Variants in SVOPL observed in about 807,000 individuals in gnomAD.
SVOPL encodes the protein SVOP like.
In SVOPL, 60 loss-of-function variants were observed where a neutral mutation model predicts 61.0. The observed-to-expected ratio is 0.98, with a 90% CI of 0.80 to 1.22. The LOEUF is 1.22. SVOPL is among the 50% of genes most tolerant of loss of function. The probability of loss-of-function intolerance (pLI) is 0.00; values close to 1 mark genes in which losing one functional copy is unlikely to be tolerated. For synonymous variants in SVOPL, 279 were observed against 250.0 expected, an observed-to-expected ratio of 1.12 and a Z score of -1.09; for missense variants, 662 against 643.9, an observed-to-expected ratio of 1.03 and a Z score of -0.30.
chr7:138,611,645 A>G (rs1164580491), intron 14 of SVOPL, among the ~76,000 whole-genome samples: 1 of 152,044 alleles, frequency 6.6e-6, no homozygotes, highest in Non-Finnish European at 1.5e-5. Flanking sequence ...TATAGGACAA[A>G]AAGATCATCT....
rs569433442 is a variant in SVOPL at position 138,669,430 on chromosome 7, C to CA, written c.273+2588dup. Among the ~76,000 whole-genome samples, 84 of 150,240 alleles carry CA rather than the reference C, an allele frequency of 5.6e-4. 1 individual carries two copies. The South Asian group carries it at 0.012, about 22-fold the overall frequency. On this transcript the variant is annotated intron_variant, in intron 4 of 15. Transcript: ENST00000674285. ...TTCAACAAAACAACAACAATGACAA[C>CA]AAAAAAAAAGGGAACGCAATTATCT...
chr7:138,610,329 A>G (rs886937504), intron 14 of SVOPL, among the ~76,000 whole-genome samples: 1 of 151,950 alleles, frequency 6.6e-6, no homozygotes, highest in African/African-American at 2.4e-5. Context: ...AAGTACTATG[A>G]TATTTGGGTG....
chr7:138,597,669 T>TGTGTG (rs1554449334), intron 14 of SVOPL, among the ~76,000 whole-genome samples: 1 of 151,580 alleles, frequency 6.6e-6, no homozygotes, highest in Admixed American at 6.6e-5. Context: ...TGTGTGTGTG[T>TGTGTG]TTTACTGCTG....
chr7:138,701,001 A>G (rs1045518127), intron 1 of SVOPL, among the ~76,000 whole-genome samples, 177 bp downstream of exon 1: 2 of 151,964 alleles, frequency 1.3e-5, no homozygotes, highest in African/African-American at 4.8e-5. Context: ...GCCACAGTAG[A>G]TCTTTTTTAA....
intron 15 of SVOPL, among the ~76,000 whole-genome samples, chr7:138,595,435 G>C (rs1164360068): frequency 6.6e-6 from 1 of 152,166 alleles, no homozygotes. Context: ...AAACAATCAT[G>C]CAGAATCATT....
intron 4 of SVOPL, among the ~76,000 whole-genome samples, chr7:138,668,052 T>C (rs1003344554): frequency 7.9e-5 from 12 of 152,086 alleles, no homozygotes; most frequent in Admixed American, 7.2e-4. Flanking sequence ...CTGAGATCAG[T>C]GCTTGAGATA....
chr7:138,677,590 A>G (rs1234082315), intron 3 of SVOPL, among the ~76,000 whole-genome samples: 1 of 152,188 alleles, frequency 6.6e-6, no homozygotes, highest in African/African-American at 2.4e-5. Flanking sequence ...CTCTATTAAC[A>G]GAGCTAGATC....
At chr7:138,690,628 G>A (rs956591050) in intron 1 of SVOPL, among the ~76,000 whole-genome samples, 10 of 152,292 alleles carry the variant, frequency 6.6e-5, no homozygotes, top group South Asian at 2.1e-4. Context: ...GGTTGCGGGG[G>A]GAGGAGGAGA....
rs1411775857 is a variant in SVOPL at position 138,626,024 on chromosome 7, A to C, written c.1208T>G (p.Met403Arg). The C allele has an allele frequency of 3.1e-6, 5 of 1,614,060 alleles. No homozygotes were observed. Among genetic ancestry groups the C allele is most frequent in the East Asian group, 2.2e-5 (1 of 44,884 alleles). Reference sequence around the variant, plus strand: ...GTTTGCAGCTACCAGAGCCCTCAGCATGAAGAGGAAGCCAATCAGGCCGGC... The same window carrying C: ...GTTTGCAGCTACCAGAGCCCTCAGCCTGAAGAGGAAGCCAATCAGGCCGGC... ...SSAGLIGFLFMLRALVAANFN... is the reference protein window; with the variant it reads ...SSAGLIGFLFRLRALVAANFN... The change falls in exon 13 of 16, where the codon ATG (methionine) becomes AGG (arginine). Residue 403 changes from methionine to arginine, a missense_variant. Coordinates refer to ENST00000674285, the MANE Select transcript of SVOPL (RefSeq NM_001139456.2).
rs535606735 is a variant in SVOPL at position 138,674,732 on chromosome 7, T to A, written c.175-2615A>T. ...TTAGCTGGGCGTGGTGGCAGGCGCC[T>A]GTAGTCCCAGCTACTTAGGAGGCTG... On this transcript the variant is annotated intron_variant, in intron 3 of 15. Transcript: ENST00000674285. 2.6e-5 allele frequency among the ~76,000 whole-genome samples: 4 copies of A among 152,052 alleles called. No homozygotes were observed. The East Asian group carries it at 7.8e-4, about 30-fold the overall frequency.
At chr7:138,599,447 G>A (rs977191663) in intron 14 of SVOPL, among the ~76,000 whole-genome samples, 1 of 152,112 alleles carries the variant, frequency 6.6e-6, no homozygotes, top group African/African-American at 2.4e-5. Flanking sequence ...TTATAACAGG[G>A]AAATGTTTAA....
chr7:138,612,400 T>G (rs1267819573), intron 14 of SVOPL, among the ~76,000 whole-genome samples: 1 of 29,634 alleles, frequency 3.4e-5, no homozygotes, highest in Non-Finnish European at 7.2e-5. Flanking sequence ...AATAAAAAAA[T>G]AAATTAAAAA....
intron 3 of SVOPL, among the ~76,000 whole-genome samples, 162 bp downstream of exon 3, chr7:138,678,272 T>C (rs1311791217): frequency 6.6e-6 from 1 of 152,154 alleles, no homozygotes; most frequent in East Asian, 1.9e-4. Flanking sequence ...GGATGTCTCC[T>C]GCCTCCCTAA....
intron 7 of SVOPL, among the ~76,000 whole-genome samples, chr7:138,652,263 A>T (rs893930479): frequency 6.6e-6 from 1 of 151,754 alleles, no homozygotes; most frequent in Non-Finnish European, 1.5e-5. Flanking sequence ...TGTTGGCCAA[A>T]CTGGTCTCAG....
chr7:138,630,264 C>G (rs1453592952), intron 9 of SVOPL, 142 bp from the exon 10 acceptor site: 2 of 658,560 alleles, frequency 3.0e-6, no homozygotes, highest in Non-Finnish European at 5.4e-6. Flanking sequence ...ATGAGTACAG[C>G]TGACACAAAC....
At chr7:138,659,804 G>A in intron 6 of SVOPL, 60 bp downstream of exon 6, 1 of 1,472,754 alleles carries the variant, frequency 6.8e-7, no homozygotes, top group African/African-American at 1.4e-5. Flanking sequence ...CAGTGTGTGT[G>A]CATCAGGGCC....
intron 1 of SVOPL, among the ~76,000 whole-genome samples, chr7:138,693,553 G>GAAAGAAAT (rs1802994765): frequency 9.8e-6 from 1 of 102,346 alleles, no homozygotes. Flanking sequence ...AAGAAAGAAA[G>GAAAGAAAT]AAAGAAAGAA....
Position 138,626,125 on chromosome 7 carries a change from C to T in SVOPL, c.1182-75G>A. On this transcript the variant is annotated intron_variant, in intron 12 of 15. Transcript: ENST00000674285. ...ACCTCCAGTGGCCCAGCTTCGAGTG[C>T]ACTGTGGATGCTGAGATACAATCAC... 3 of 1,379,722 alleles carry T rather than the reference C, an allele frequency of 2.2e-6. No individual in the cohort carries two copies. The Admixed American group carries it at 5.5e-5, about 25-fold the overall frequency. 85.5% of individuals were successfully genotyped at this position (1,379,722 alleles called of 1,614,324 possible).
chr7:138,634,623 G>T (rs1478376115), intron 9 of SVOPL, among the ~76,000 whole-genome samples: 1 of 151,976 alleles, frequency 6.6e-6, no homozygotes, highest in African/African-American at 2.4e-5. Context: ...ACTCCAGCTT[G>T]GATGACAGAA....
Sources: gnomAD v4.1 joint callset for allele counts (sites outside exome capture counted in the v4.1 genomes callset) on GRCh38, gnomAD v4.1.1 for gene constraint, MANE v1.5 for transcripts, NCBI Gene and HGNC (gene_info 2026-07-23, HGNC 2026-07-21) for gene names.